Variants in CAMTA1 observed in about 807,000 individuals in gnomAD.
The protein encoded by CAMTA1 is calmodulin binding transcription activator 1.
In CAMTA1, 27 loss-of-function variants were observed where a neutral mutation model predicts 170.9. That is an observed-to-expected ratio of 0.16 (90% CI 0.12 to 0.22). The LOEUF (loss-of-function observed/expected upper bound fraction) is 0.22. Ranked by LOEUF, CAMTA1 falls within the 10% of genes least tolerant of loss-of-function variation. The pLI is 1.00. For synonymous variants in CAMTA1, 833 were observed against 891.5 expected, an observed-to-expected ratio of 0.93 and a Z score of 1.17; for missense variants, 1,619 against 2,217.2, an observed-to-expected ratio of 0.73 and a Z score of 5.42.
intron 5 of CAMTA1, among the ~76,000 whole-genome samples, chr1:7,294,853 G>GC (rs75885097): frequency 1 from 152,354 of 152,354 alleles, 76,177 homozygotes; most frequent in Non-Finnish European, 1. Flanking sequence ...GGCCTCCAAG[G>GC]CAAGGCCCTT....
chr1:7,017,443 C>G (rs1326112811), intron 3 of CAMTA1, among the ~76,000 whole-genome samples: 2 of 152,202 alleles, frequency 1.3e-5, no homozygotes, highest in African/African-American at 4.8e-5. Flanking sequence ...TCGTTCTTTG[C>G]TAAATATAAA....
At chr1:6,985,232 G>A (rs1695164512) in intron 3 of CAMTA1, among the ~76,000 whole-genome samples, 1 of 152,346 alleles carries the variant, frequency 6.6e-6, no homozygotes, top group East Asian at 1.9e-4. Flanking sequence ...TAGCTACGGG[G>A]GCCCCTCAGT....
At chr1:7,464,244 G>C (rs553820863) in intron 5 of CAMTA1, among the ~76,000 whole-genome samples, 1 of 152,072 alleles carries the variant, frequency 6.6e-6, no homozygotes, top group South Asian at 2.1e-4. Flanking sequence ...ACTCCCACAC[G>C]CGTGTGCACC....
At chr1:7,613,663 C>T (rs773249159) in intron 6 of CAMTA1, among the ~76,000 whole-genome samples, 2 of 151,502 alleles carry the variant, frequency 1.3e-5, no homozygotes, top group African/African-American at 4.9e-5. Flanking sequence ...CAGGAAAGCT[C>T]GTGATGAAGT....
At chr1:7,742,727 C>T (rs2096827643) in intron 16 of CAMTA1, among the ~76,000 whole-genome samples, 1 of 152,190 alleles carries the variant, frequency 6.6e-6, no homozygotes, top group Non-Finnish European at 1.5e-5. Flanking sequence ...TTCCACCTTA[C>T]TTTTAATATA....
intron 3 of CAMTA1, among the ~76,000 whole-genome samples, chr1:6,913,087 T>G (rs1022026555): frequency 4.6e-5 from 7 of 152,260 alleles, no homozygotes; most frequent in African/African-American, 9.6e-5. Context: ...GTTCCTCCAC[T>G]CTAAATAAAT....
In CAMTA1 at chr1:7,674,634, C is replaced by T. The variant is rs1010904084; in HGVS notation, c.2780-2965C>T. 6.6e-6 allele frequency among the ~76,000 whole-genome samples: 1 copy of T among 152,034 alleles called. No homozygotes were observed. Among genetic ancestry groups the T allele is most frequent in the African/African-American group, 2.4e-5 (1 of 41,396 alleles). On this transcript the variant is annotated intron_variant, in intron 10 of 22. Coordinates refer to ENST00000303635, the MANE Select transcript of CAMTA1 (RefSeq NM_015215.4). The surrounding 1 kb of genome is among the most constrained non-coding windows in gnomAD (Gnocchi z 4.1). ...TCTCTACTAAAAATACAAAAATTAG[C>T]TGGGCGTGGTGGCAGGCACCTGTAA... is the stretch of plus-strand genomic sequence containing the variant.
At chr1:7,085,730 C>T (rs1640647888) in intron 3 of CAMTA1, among the ~76,000 whole-genome samples, 1 of 152,246 alleles carries the variant, frequency 6.6e-6, no homozygotes, top group African/African-American at 2.4e-5. Flanking sequence ...CTGCCAGCCC[C>T]CATGGGGCAG....
At chr1:7,159,568 G>C (rs1647081883) in intron 4 of CAMTA1, among the ~76,000 whole-genome samples, 1 of 152,060 alleles carries the variant, frequency 6.6e-6, no homozygotes, top group African/African-American at 2.4e-5. Context: ...TTTTGAGACA[G>C]GGTCTTGCTC....
Position 7,303,944 on chromosome 1 carries a change from A to C in CAMTA1, c.438+54318A>C. Reference sequence around the variant, plus strand: ...AGTCCTAAAAGCTTTGTACTAAGGCAAAGAGGCCAGACACAAAAGGACACA... The same window carrying C: ...AGTCCTAAAAGCTTTGTACTAAGGCCAAGAGGCCAGACACAAAAGGACACA... On this transcript the variant is annotated intron_variant, in intron 5 of 22. Coordinates refer to ENST00000303635, the MANE Select transcript of CAMTA1 (RefSeq NM_015215.4). Among the ~76,000 whole-genome samples, 2 of 152,210 alleles carry C rather than the reference A, an allele frequency of 1.3e-5. 1 individual carries two copies. The highest frequency in any genetic ancestry group is 2.9e-5 in the Non-Finnish European group (2 of 68,036).
rs537621846 is a variant in CAMTA1, at chr1:7,348,689, G to A, written c.438+99063G>A. 9.8e-5 allele frequency among the ~76,000 whole-genome samples: 15 copies of A among 152,330 alleles called. No individual in the cohort carries two copies. The South Asian group carries it at 3.1e-3, about 32-fold the overall frequency. On this transcript the variant is annotated intron_variant, in intron 5 of 22. Transcript: ENST00000303635. Reference sequence around the variant, plus strand: ...AGAGAGCAAGAGATAATAGGAACCTGGAGAAAAAGCAGCCACAGGGGGTGT... The same window carrying A: ...AGAGAGCAAGAGATAATAGGAACCTAGAGAAAAAGCAGCCACAGGGGGTGT...
At chr1:7,511,857 C>T (rs563035001) in intron 6 of CAMTA1, among the ~76,000 whole-genome samples, 3 of 152,198 alleles carry the variant, frequency 2.0e-5, no homozygotes, top group Non-Finnish European at 4.4e-5. Flanking sequence ...GAGGAAACAC[C>T]TAATACACCA....
At chr1:7,039,372 G>T (rs1704095127) in intron 3 of CAMTA1, among the ~76,000 whole-genome samples, 1 of 152,138 alleles carries the variant, frequency 6.6e-6, no homozygotes, top group African/African-American at 2.4e-5. Context: ...GAAGCACAGG[G>T]GACAGAAATG....
intron 6 of CAMTA1, among the ~76,000 whole-genome samples, chr1:7,558,770 T>G (rs1407273955): frequency 6.6e-6 from 1 of 152,270 alleles, no homozygotes; most frequent in African/African-American, 2.4e-5. Context: ...CCCACTCGCC[T>G]GCCGAGGCTG....
intron 6 of CAMTA1, among the ~76,000 whole-genome samples, chr1:7,638,690 G>T (rs887354310): frequency 2.0e-5 from 3 of 152,142 alleles, no homozygotes; most frequent in African/African-American, 4.8e-5. Flanking sequence ...AGATGGGAGG[G>T]TTTAGCTAGG....
intron 11 of CAMTA1, among the ~76,000 whole-genome samples, chr1:7,700,396 G>A (rs2096426541): frequency 6.6e-6 from 1 of 152,064 alleles, no homozygotes; most frequent in Non-Finnish European, 1.5e-5. Flanking sequence ...TTTTTAAATT[G>A]TCACTTAGTT....
At chr1:6,840,127 AG>A (rs918847444) in intron 3 of CAMTA1, among the ~76,000 whole-genome samples, 1 of 152,114 alleles carries the variant, frequency 6.6e-6, no homozygotes, top group Admixed American at 6.6e-5. Context: ...TGAACCTGGG[AG>A]GCAGAGGTTG....
chr1:6,786,762 C>T (rs1032469050), intron 1 of CAMTA1, among the ~76,000 whole-genome samples: 1 of 152,196 alleles, frequency 6.6e-6, no homozygotes, highest in East Asian at 1.9e-4. Flanking sequence ...GACTTGTTCT[C>T]TCTTCTCGGA....
intron 6 of CAMTA1, among the ~76,000 whole-genome samples, chr1:7,590,376 G>A (rs2095346563): frequency 6.6e-6 from 1 of 152,212 alleles, no homozygotes; most frequent in African/African-American, 2.4e-5. Flanking sequence ...GTGGGCCCTG[G>A]TGGGGGCAGT....
Sources: allele counts gnomAD v4.1 joint callset (sites outside exome capture counted in the v4.1 genomes callset), GRCh38; gene constraint gnomAD v4.1.1; non-coding constraint Gnocchi (gnomAD v3.1); transcripts MANE v1.5; gene names NCBI Gene and HGNC (gene_info 2026-07-23, HGNC 2026-07-21).